The following CPNE4 variants were observed in gnomAD, a reference collection of about 807,000 sequenced individuals.
CPNE4 encodes copine 4.
In CPNE4, 25 loss-of-function variants were observed where a neutral mutation model predicts 67.9. The observed-to-expected ratio is 0.37, with a 90% CI of 0.27 to 0.51. The LOEUF (loss-of-function observed/expected upper bound fraction) is 0.51. CPNE4 is among the 20% of genes least tolerant of loss of function. The probability of loss-of-function intolerance (pLI) is 0.93; values close to 1 mark genes in which losing one functional copy is unlikely to be tolerated. For missense variants in CPNE4, 464 were observed against 690.8 expected (o/e 0.67, Z 3.68); for synonymous variants, 242 against 244.9 (o/e 0.99, Z 0.11).
intron 2 of CPNE4, among the ~76,000 whole-genome samples, chr3:131,874,546 T>C (rs1200227115): frequency 6.6e-6 from 1 of 152,230 alleles, no homozygotes; most frequent in African/African-American, 2.4e-5. Context: ...CTCTAAGTTT[T>C]GGTTTCTTTA....
chr3:131,915,909 A>G (rs114575378), intron 1 of CPNE4, among the ~76,000 whole-genome samples: 4,427 of 152,326 alleles, frequency 0.029, 215 homozygotes, highest in African/African-American at 0.1. Flanking sequence ...TTATTGCATC[A>G]CATTTATATT....
chr3:131,696,437 T>A (rs2081159488), intron 5 of CPNE4, 105 bp downstream of exon 5: 1 of 1,034,684 alleles, frequency 9.7e-7, no homozygotes, highest in East Asian at 2.4e-5. Context: ...TGGATCTGTT[T>A]GATAATGTGG....
At chr3:131,787,298 G>T (rs1008066842) in intron 2 of CPNE4, among the ~76,000 whole-genome samples, 12 of 152,126 alleles carry the variant, frequency 7.9e-5, no homozygotes, top group African/African-American at 2.9e-4. Flanking sequence ...ATTTATTAGG[G>T]ATTAGCATCT....
chr3:131,812,929 T>C (rs2084593739), intron 2 of CPNE4, among the ~76,000 whole-genome samples: 1 of 152,230 alleles, frequency 6.6e-6, no homozygotes, highest in Admixed American at 6.5e-5. Context: ...GTAGTAATCC[T>C]ATATCTGGGC....
At chr3:131,644,767 G>A (rs532089905) in intron 7 of CPNE4, among the ~76,000 whole-genome samples, 5 of 152,288 alleles carry the variant, frequency 3.3e-5, no homozygotes, top group African/African-American at 1.2e-4. Flanking sequence ...GAATGCTCTG[G>A]ACTCTAGATA....
At chr3:131,689,844 T>C (rs565745640) in intron 5 of CPNE4, among the ~76,000 whole-genome samples, 2 of 152,212 alleles carry the variant, frequency 1.3e-5, no homozygotes, top group African/African-American at 4.8e-5. Context: ...CTCCTAGAAC[T>C]GATCTTCAGC....
At position 131,786,781 on chromosome 3, in the gene CPNE4, A is replaced by T. The variant is rs1336432451; in HGVS notation, c.181-63156T>A. Among the ~76,000 whole-genome samples the T allele has an allele frequency of 2.6e-5, 4 of 152,336 alleles. No homozygotes were observed. In the East Asian group the frequency reaches 7.7e-4, roughly 29 times the overall value. On this transcript the variant is annotated intron_variant, in intron 2 of 15. Coordinates refer to ENST00000429747, the MANE Select transcript of CPNE4 (RefSeq NM_130808.3). ...AAGTGAGAATATCCTTAAAAAGTAC[A>T]TGGCGCAGTGCTTGGCCCATAGTGT...
intron 2 of CPNE4, among the ~76,000 whole-genome samples, chr3:131,776,066 T>A (rs2083283252): frequency 6.6e-6 from 1 of 152,124 alleles, no homozygotes; most frequent in Admixed American, 6.6e-5. Flanking sequence ...CAGGCTTGAA[T>A]ATCCTTTTTC....
At chr3:131,982,931 T>C (rs930014683) in intron 1 of CPNE4, among the ~76,000 whole-genome samples, 2 of 152,050 alleles carry the variant, frequency 1.3e-5, no homozygotes, top group African/African-American at 4.8e-5. Flanking sequence ...ATTAAAGTGA[T>C]AGATAACATT....
chr3:131,536,262 G>A (rs771812997), intron 15 of CPNE4, among the ~76,000 whole-genome samples: 7 of 152,174 alleles, frequency 4.6e-5, no homozygotes, highest in Non-Finnish European at 1.0e-4. Flanking sequence ...GGCACAGGAG[G>A]ACCATGTGAT....
chr3:131,615,411 C>G (rs1040255606), intron 7 of CPNE4, among the ~76,000 whole-genome samples: 3 of 152,084 alleles, frequency 2.0e-5, no homozygotes, highest in Admixed American at 6.6e-5. Flanking sequence ...AAAATGCAAC[C>G]TTGAACGTGT....
intron 1 of CPNE4, among the ~76,000 whole-genome samples, chr3:131,988,484 A>C (rs1472847306): frequency 2.0e-5 from 3 of 152,162 alleles, no homozygotes; most frequent in Non-Finnish European, 4.4e-5. Flanking sequence ...ACCAAAAGAG[A>C]GATGATATTA....
At position 131,604,143 on chromosome 3, in the gene CPNE4, C is replaced by T. The variant is rs553060140; in HGVS notation, c.682-16561G>A. Among the ~76,000 whole-genome samples the T allele has an allele frequency of 1.7e-4, 26 of 152,200 alleles. 1 individual carries two copies. The South Asian group carries it at 5.4e-3, about 32-fold the overall frequency. ...ATCCATTCTAGATGATAATGGCTCA[C>T]TAAAGACAATTCTAACAGAGAGGGA... On this transcript the variant is annotated intron_variant, in intron 7 of 15. Transcript: ENST00000429747.
In CPNE4 at chr3:131,805,723, C is replaced by A. The variant is rs138667138; in HGVS notation, c.181-82098G>T. Among the ~76,000 whole-genome samples the A allele has an allele frequency of 2.0e-3, 307 of 152,210 alleles. 2 individuals are homozygous for A. Among genetic ancestry groups the A allele is most frequent in the African/African-American group, 7.2e-3 (301 of 41,536 alleles). ...GGTGTGAGATGGTAGTGACTGGGTACCAAAAGCAAGTGTTCTAAGACAGAT... is the reference window on the plus strand; with the variant it reads ...GGTGTGAGATGGTAGTGACTGGGTAACAAAAGCAAGTGTTCTAAGACAGAT... On this transcript the variant is annotated intron_variant, in intron 2 of 15. Transcript: ENST00000429747.
chr3:132,031,834 A>G (rs1310353691), intron 1 of CPNE4, among the ~76,000 whole-genome samples: 2 of 152,192 alleles, frequency 1.3e-5, no homozygotes, highest in Non-Finnish European at 2.9e-5. Context: ...TGTTTCTTAT[A>G]GTCAGTATAA....
chr3:131,966,974 A>G (rs2107936239), intron 1 of CPNE4, among the ~76,000 whole-genome samples: 1 of 152,354 alleles, frequency 6.6e-6, no homozygotes, highest in East Asian at 1.9e-4. Context: ...AAAATCCTCA[A>G]TAAAATGCTA....
At chr3:131,704,989 G>A (rs184316900) in intron 3 of CPNE4, among the ~76,000 whole-genome samples, 7 of 152,184 alleles carry the variant, frequency 4.6e-5, no homozygotes, top group East Asian at 3.9e-4. Context: ...TATAAGAAGA[G>A]ACACCTGATC....
At chr3:131,702,284 T>C (rs2081320005) in intron 3 of CPNE4, among the ~76,000 whole-genome samples, 1 of 152,206 alleles carries the variant, frequency 6.6e-6, no homozygotes, top group South Asian at 2.1e-4. Flanking sequence ...CTTTATTCAT[T>C]CTACAAATAT....
chr3:131,880,749 G>A (rs4854848), intron 2 of CPNE4, among the ~76,000 whole-genome samples: 100,902 of 152,054 alleles, frequency 0.66, 33,785 homozygotes, highest in Admixed American at 0.74. Flanking sequence ...GGGTTAAATT[G>A]AAGAGAAAAA....
Sources: gnomAD v4.1 joint callset for allele counts (sites outside exome capture counted in the v4.1 genomes callset) on GRCh38, gnomAD v4.1.1 for gene constraint, MANE v1.5 for transcripts, NCBI Gene and HGNC (gene_info 2026-07-23, HGNC 2026-07-21) for gene names.